Variants in P4HA1 observed in about 807,000 individuals in gnomAD.
P4HA1 encodes prolyl 4-hydroxylase subunit alpha 1, also known as prolyl 4-hydroxylase subunit alpha-1.
In P4HA1, 24 loss-of-function variants were observed where a neutral mutation model predicts 72.8. The observed-to-expected ratio is 0.33, with a 90% CI of 0.24 to 0.46. The LOEUF (loss-of-function observed/expected upper bound fraction) is 0.46, where lower values mean the gene tolerates loss of function less well. Ranked by LOEUF, P4HA1 falls within the 20% of genes least tolerant of loss-of-function variation. P4HA1 has a pLI of 1.00. For missense variants in P4HA1, 446 were observed against 640.6 expected (o/e 0.70, Z 3.28); for synonymous variants, 201 against 218.8 (o/e 0.92, Z 0.72).
intron 5 of P4HA1, among the ~76,000 whole-genome samples, chr10:73,064,869 TTCATCCGTTAAACTGAGAGAGACA>T (rs372032297): frequency 2.5e-3 from 381 of 152,238 alleles, no homozygotes; most frequent in African/African-American, 8.7e-3. Context: ...ATTTTTATGG[TTCATCCGTTAAACTGAGAGAGACA>T]TCATCCGTTA....
chr10:73,073,542 C>G (rs562338716), intron 3 of P4HA1, among the ~76,000 whole-genome samples, 189 bp downstream of exon 3: 1 of 152,236 alleles, frequency 6.6e-6, no homozygotes, highest in South Asian at 2.1e-4. Context: ...ATATTCTTAT[C>G]CCAACCCATA....
chr10:73,024,202 C>G (rs1840207589), intron 10 of P4HA1, among the ~76,000 whole-genome samples: 1 of 152,174 alleles, frequency 6.6e-6, no homozygotes, highest in South Asian at 2.1e-4. Flanking sequence ...CTTCTCAGCA[C>G]CACATCACAC....
intron 11 of P4HA1, among the ~76,000 whole-genome samples, chr10:73,016,208 A>T (rs2054037465): frequency 6.6e-6 from 1 of 151,926 alleles, no homozygotes; most frequent in African/African-American, 2.4e-5. Context: ...GATGATGATC[A>T]CTCTTCCCTG....
At chr10:73,079,597 C>T (rs1273181171) in intron 1 of P4HA1, among the ~76,000 whole-genome samples, 1 of 152,030 alleles carries the variant, frequency 6.6e-6, no homozygotes, top group South Asian at 2.1e-4. Flanking sequence ...CAAAAATTAG[C>T]CGGGCGTGGT....
At chr10:73,049,073 C>T (rs1840946295) in intron 7 of P4HA1, among the ~76,000 whole-genome samples, 1 of 151,416 alleles carries the variant, frequency 6.6e-6, no homozygotes, top group Non-Finnish European at 1.5e-5. Flanking sequence ...GCCGAAATGG[C>T]GCCACTGCAC....
At chr10:73,071,148 T>G (rs1374543522) in intron 4 of P4HA1, 1 of 151,522 alleles carries the variant, frequency 6.6e-6, no homozygotes, top group Non-Finnish European at 1.5e-5. Flanking sequence ...ATTGTGCCAC[T>G]GTACTCCAGC....
chr10:73,015,561 G>A (rs771341283), intron 11 of P4HA1, among the ~76,000 whole-genome samples: 12 of 152,192 alleles, frequency 7.9e-5, no homozygotes, highest in Non-Finnish European at 1.6e-4. Context: ...TAAGGCTCCT[G>A]TATCACAAGA....
chr10:73,057,351 G>A (rs1047495064), intron 5 of P4HA1, among the ~76,000 whole-genome samples: 16 of 152,084 alleles, frequency 1.1e-4, no homozygotes, highest in African/African-American at 2.9e-4. Context: ...TTAGCCGGGC[G>A]TGGTGGTGGG....
chr10:73,041,668 C>G (rs1206195826), intron 9 of P4HA1, among the ~76,000 whole-genome samples: 3 of 151,984 alleles, frequency 2.0e-5, no homozygotes, highest in African/African-American at 7.2e-5. Flanking sequence ...ACAGAGATAC[C>G]AAGAGGTATG....
At chr10:73,064,652 C>A (rs1213615584) in intron 5 of P4HA1, among the ~76,000 whole-genome samples, 1 of 152,046 alleles carries the variant, frequency 6.6e-6, no homozygotes, top group African/African-American at 2.4e-5. Flanking sequence ...ACCAGCCTGG[C>A]TGACACGGTG....
At chr10:73,029,781 G>T (rs1174490572) in intron 10 of P4HA1, among the ~76,000 whole-genome samples, 8 of 151,646 alleles carry the variant, frequency 5.3e-5, no homozygotes, top group Non-Finnish European at 1.0e-4. Context: ...GAGTGAAGAA[G>T]AATTATTTTG....
At position 73,053,500 on chromosome 10, in the gene P4HA1, A is replaced by C; in HGVS notation, c.554T>G (p.Leu185Arg). The C allele has an allele frequency of 6.2e-7, 1 of 1,614,082 alleles. No homozygotes were observed. The highest frequency in any genetic ancestry group is 8.5e-7 in the Non-Finnish European group (1 of 1,179,962). ...TTGCCTTAGGGCTTGTTCCATCCAC[A>C]GTTCCGTATGGTAATAATCTGCTTC... Reference protein sequence around the residue: ...YTEADYYHTELWMEQALRQLD... With the variant: ...YTEADYYHTERWMEQALRQLD... Residue 185 changes from leucine (L) to arginine (R), a missense_variant, in exon 6 of 15, where the codon CTG becomes CGG. By Grantham distance (102) the Leu-to-Arg change is moderately radical. Transcript: ENST00000394890.
intron 9 of P4HA1, chr10:73,043,851 C>T: frequency 1.4e-6 from 2 of 1,455,888 alleles, no homozygotes; most frequent in Non-Finnish European, 1.9e-6. Context: ...AGAAATGGTC[C>T]AAATATGACT....
At chr10:73,083,182 C>T (rs924138763) in intron 1 of P4HA1, among the ~76,000 whole-genome samples, 2 of 152,278 alleles carry the variant, frequency 1.3e-5, no homozygotes, top group African/African-American at 4.8e-5. Context: ...TCCCTATAAT[C>T]CCTCTGCAAA....
At chr10:73,029,126 C>T (rs1304888620) in intron 10 of P4HA1, among the ~76,000 whole-genome samples, 1 of 151,126 alleles carries the variant, frequency 6.6e-6, no homozygotes, top group Non-Finnish European at 1.5e-5. Flanking sequence ...ATTTTGCAAC[C>T]AGGCCAGGCA....
chr10:73,070,188 C>T (rs1317926763), intron 4 of P4HA1, among the ~76,000 whole-genome samples: 4 of 108,678 alleles, frequency 3.7e-5, no homozygotes, highest in Non-Finnish European at 6.7e-5. Context: ...GATGGAGTCT[C>T]GCTCTGTCAC....
chr10:73,068,809 G>A (rs1841483915), intron 5 of P4HA1, 37 bp downstream of exon 5: 2 of 1,552,550 alleles, frequency 1.3e-6, no homozygotes, highest in African/African-American at 1.4e-5. Flanking sequence ...GAGAAGCTAG[G>A]TGATAGGTAT....
Position 73,028,106 on chromosome 10 carries a change from G to C in P4HA1, c.1248+2165C>G, listed in dbSNP as rs988723445. ...AGGGCACAGTGTTACTGGACTCTGA[G>C]TGGGTTGCTGTTTTTCATGCCAAGT... On this transcript the variant is annotated intron_variant, in intron 10 of 14. Transcript: ENST00000394890. Among the ~76,000 whole-genome samples, 9 of 152,136 alleles carry C rather than the reference G, an allele frequency of 5.9e-5. 1 individual carries two copies. The highest frequency in any genetic ancestry group is 3.9e-4 in the Admixed American group (6 of 15,270).
intron 10 of P4HA1, among the ~76,000 whole-genome samples, chr10:73,022,114 G>A (rs1840149697): frequency 2.0e-5 from 3 of 152,220 alleles, no homozygotes; most frequent in South Asian, 2.1e-4. Flanking sequence ...AAACGTCCCT[G>A]TCTGACAGCT....
Sources: allele counts gnomAD v4.1 joint callset (sites outside exome capture counted in the v4.1 genomes callset), GRCh38; gene constraint gnomAD v4.1.1; transcripts MANE v1.5; gene names NCBI Gene and HGNC (gene_info 2026-07-23, HGNC 2026-07-21).